FAAH2: variants seen among roughly 807,000 people sequenced by gnomAD.
FAAH2 encodes the protein fatty-acid amide hydrolase 2.
Under a neutral mutation model 36.9 loss-of-function variants are expected in FAAH2, and 60 were observed. The observed-to-expected ratio is 1.63, with a 90% confidence interval of 1.32 to 2.02. FAAH2 has a LOEUF of 2.02. FAAH2 is among the 30% of genes most tolerant of loss of function. The probability of loss-of-function intolerance (pLI) is 0.00; values close to 1 mark genes in which losing one functional copy is unlikely to be tolerated. For synonymous variants in FAAH2, 214 were observed against 143.8 expected (o/e 1.49, Z -3.49); for missense variants, 689 against 397.5 (o/e 1.73, Z -6.23).
At chrX:57,203,499 T>C in the FAAH2 span, among the ~76,000 whole-genome samples, 1 of 112,000 alleles carries the variant, frequency 8.9e-6, no homozygotes, top group African/African-American at 3.3e-5. Context: ...GGCCAGTTTA[T>C]GGCCAGATTT....
At chrX:57,401,287 G>A (rs1286766511) in intron 7 of FAAH2, among the ~76,000 whole-genome samples, 2 of 111,527 alleles carry the variant, frequency 1.8e-5, no homozygotes, top group Non-Finnish European at 3.8e-5. Flanking sequence ...CCAAATAGAT[G>A]GGGGCTATCT....
At chrX:57,214,406 G>C in the FAAH2 span, among the ~76,000 whole-genome samples, 3 of 111,358 alleles carry the variant, frequency 2.7e-5, no homozygotes, top group Non-Finnish European at 3.8e-5. Flanking sequence ...TGGTTTGTTG[G>C]AGTTCTGTCA....
At chrX:57,224,391 T>A in the FAAH2 span, among the ~76,000 whole-genome samples, 1 of 111,339 alleles carries the variant, frequency 9.0e-6, no homozygotes, top group African/African-American at 3.3e-5. Context: ...ATGCCTGAAG[T>A]AATTATTGAG....
intron 1 of FAAH2, among the ~76,000 whole-genome samples, chrX:57,288,288 C>G (rs1370376114): frequency 1.0e-5 from 1 of 100,063 alleles, no homozygotes. Flanking sequence ...TCCCTGGGTT[C>G]AGAAATCCTA....
At chrX:57,255,514 A>C in the FAAH2 span, among the ~76,000 whole-genome samples, 1 of 112,068 alleles carries the variant, frequency 8.9e-6, no homozygotes, top group Non-Finnish European at 1.9e-5. Context: ...AAGATCAAGG[A>C]GAACATCCTC....
chrX:57,196,251 T>G, the FAAH2 span, among the ~76,000 whole-genome samples: 4 of 112,111 alleles, frequency 3.6e-5, no homozygotes, highest in Admixed American at 1.9e-4. Context: ...CAGTGTTTTG[T>G]AGTTTTCCTT....
intron 7 of FAAH2, chrX:57,392,820 T>C (rs1381888263): frequency 1.5e-6 from 1 of 671,213 alleles, no homozygotes; most frequent in East Asian, 3.2e-5. Context: ...ACCTTTTCGC[T>C]CTGGGTTGTG....
chrX:57,438,399 C>A (rs1179754120), intron 8 of FAAH2, among the ~76,000 whole-genome samples: 1 of 104,248 alleles, frequency 9.6e-6, no homozygotes, highest in Non-Finnish European at 2.0e-5. Context: ...ATATATATAT[C>A]AGTAAAACTA....
intron 10 of FAAH2, among the ~76,000 whole-genome samples, chrX:57,474,742 T>C (rs1466691707): frequency 3.6e-5 from 4 of 112,167 alleles, no homozygotes; most frequent in Non-Finnish European, 7.5e-5. Flanking sequence ...GATTTCTGGG[T>C]CAAATGGTAT....
chrX:57,181,019 A>G, the FAAH2 span, among the ~76,000 whole-genome samples: 5 of 112,020 alleles, frequency 4.5e-5, no homozygotes, highest in African/African-American at 1.6e-4. Flanking sequence ...ACAGAACTAA[A>G]GACAAAAACC....
chrX:57,401,308 G>A (rs2055429467), intron 7 of FAAH2, among the ~76,000 whole-genome samples: 1 of 111,094 alleles, frequency 9.0e-6, no homozygotes, highest in African/African-American at 3.3e-5. Context: ...CTGAACCCTT[G>A]AGGTAAAACA....
intron 3 of FAAH2, among the ~76,000 whole-genome samples, chrX:57,325,596 G>A (rs889875743): frequency 1.2e-4 from 13 of 104,854 alleles, no homozygotes; most frequent in Admixed American, 5.2e-4. Context: ...GAATTTATCC[G>A]TTTCTTCTAG....
the FAAH2 span, among the ~76,000 whole-genome samples, chrX:57,214,960 G>A: frequency 1.8e-5 from 2 of 110,110 alleles, no homozygotes; most frequent in African/African-American, 3.3e-5. Context: ...TTGACAAATG[G>A]GATCTAATTA....
upstream of FAAH2, among the ~76,000 whole-genome samples, chrX:57,282,756 C>G (rs954939446): frequency 8.9e-6 from 1 of 111,791 alleles, no homozygotes; most frequent in African/African-American, 3.3e-5. Flanking sequence ...TTAATAGGTA[C>G]GCTCTTGCTT....
chrX:57,332,871 C>T (rs2053446293), intron 4 of FAAH2, among the ~76,000 whole-genome samples: 1 of 111,675 alleles, frequency 9.0e-6, no homozygotes, highest in African/African-American at 3.3e-5. Flanking sequence ...CAGAACCTAA[C>T]TTAGTAAGGT....
intron 10 of FAAH2, among the ~76,000 whole-genome samples, chrX:57,454,940 A>G (rs2056842121): frequency 9.0e-6 from 1 of 111,390 alleles, no homozygotes; most frequent in African/African-American, 3.3e-5. Context: ...CAAATTCAAT[A>G]AATACACAAA....
chrX:57,353,739 C>A (rs1302503688), intron 5 of FAAH2, among the ~76,000 whole-genome samples: 1 of 110,822 alleles, frequency 9.0e-6, no homozygotes, highest in Non-Finnish European at 1.9e-5. Context: ...GAATATATAA[C>A]AAGCTCAACT....
At chrX:57,142,759 A>G in the FAAH2 span, among the ~76,000 whole-genome samples, 2 of 111,809 alleles carry the variant, frequency 1.8e-5, no homozygotes, top group African/African-American at 3.3e-5. Context: ...TAGTTGTACT[A>G]ATATTTTTAA....
intron 4 of FAAH2, among the ~76,000 whole-genome samples, chrX:57,332,814 G>A (rs1223457954): frequency 8.9e-6 from 1 of 111,772 alleles, no homozygotes. Context: ...TGCTTCCAAA[G>A]CATACTGTTC....
Sources: allele counts gnomAD v4.1 joint callset (sites outside exome capture counted in the v4.1 genomes callset), GRCh38; gene constraint gnomAD v4.1.1; transcripts MANE v1.5; gene names NCBI Gene and HGNC (gene_info 2026-07-23, HGNC 2026-07-21).